Variants in GOLGA6L2 observed in about 807,000 individuals in gnomAD.
GOLGA6L2 encodes the protein golgin A6 family like 2, also known as golgin subfamily A member 6-like protein 2.
Under a neutral mutation model 35.9 loss-of-function variants are expected in GOLGA6L2, and 30 were observed. The observed-to-expected ratio is 0.83, with a 90% CI of 0.62 to 1.13. GOLGA6L2 has a LOEUF of 1.13. Among genes scored for constraint, GOLGA6L2 ranks in the 50% most tolerant of loss-of-function variants. GOLGA6L2 has a pLI of 0.00. For synonymous variants in GOLGA6L2, 297 were observed against 344.0 expected (o/e 0.86, Z 1.51); for missense variants, 821 against 973.4 (o/e 0.84, Z 2.08).
At position 23,440,457 on chromosome 15, in the gene GOLGA6L2, TCTC is replaced by T. The variant is rs2070652335; in HGVS notation, c.2015_2017del (p.Arg672_Glu673delinsLys). On this transcript the variant is annotated inframe_deletion, in exon 8 of 8. Coordinates refer to ENST00000567107, the MANE Select transcript of GOLGA6L2 (RefSeq NM_001304388.2). ...ATCTTCTCCTCCTGCTCCTGCATCT[TCTC>T]TTCCTGCTCCCACATCTTCTCCTCC... 1 of 863,018 alleles carries T rather than the reference TCTC, an allele frequency of 1.2e-6. No homozygotes were observed. The highest frequency in any genetic ancestry group is 1.7e-5 in the African/African-American group (1 of 58,380). 53.5% of individuals were successfully genotyped at this position (863,018 alleles called of 1,614,324 possible). A position where few individuals can be genotyped will look rare whatever the true frequency, so the allele number is the denominator to read the frequency against.
rs764848680 is a variant in GOLGA6L2 at position 23,441,235 on chromosome 15, G to A, written c.1240C>T (p.Arg414Trp). Residue 414 changes from arginine to tryptophan, a missense_variant, in exon 8 of 8, where the codon CGG (arginine) becomes TGG (tryptophan). Coordinates refer to ENST00000567107, the MANE Select transcript of GOLGA6L2 (RefSeq NM_001304388.2). Reference protein sequence around the residue: ...ERLREKEERMREQEKMWEQVE... With the variant: ...ERLREKEERMWEQEKMWEQVE... ...TGCTCCCACATCTTCTCCTGCTCCCGCATCCTCTCCTCCTTCTCCCGTAGC... is the reference window on the plus strand; with the variant it reads ...TGCTCCCACATCTTCTCCTGCTCCCACATCCTCTCCTCCTTCTCCCGTAGC... 2.7e-5 allele frequency: 41 copies of A among 1,530,124 alleles called. No individual in the cohort carries two copies. Among genetic ancestry groups the A allele is most frequent in the Admixed American group, 8.0e-5 (4 of 49,974 alleles). 94.8% of individuals were successfully genotyped at this position (1,530,124 alleles called of 1,614,324 possible).
At position 23,441,111 on chromosome 15, in the gene GOLGA6L2, C is replaced by T. The variant is rs753649587; in HGVS notation, c.1364G>A (p.Arg455Gln). Residue 455 changes from arginine to glutamine, a missense_variant, in exon 8 of 8, where the codon CGG becomes CAG. Arg to Gln is a conservative substitution (Grantham distance 43). Coordinates refer to ENST00000567107, the MANE Select transcript of GOLGA6L2 (RefSeq NM_001304388.2). The stretch of plus-strand genomic sequence containing the variant: ...CTCCTCTTCCCGCATCTTCTTCTCC[C>T]GCTCCCGTATCCTCTCCTCCTCTTG... The part of the protein sequence containing the change: ...KMQEEERIRE[R>Q]EKKMREEEET... 169 of 1,272,520 alleles carry T rather than the reference C, an allele frequency of 1.3e-4. No homozygotes were observed. The highest frequency in any genetic ancestry group is 3.2e-4 in the South Asian group (23 of 70,964). The allele number at this position is 1,272,520 out of a possible 1,614,324, so 78.8% of individuals were successfully genotyped here.
chr15:23,444,273 A>G, intron 3 of GOLGA6L2, 61 bp from the exon 4 acceptor site: 2 of 1,564,132 alleles, frequency 1.3e-6, no homozygotes, highest in Non-Finnish European at 1.7e-6. Context: ...AGCAAGAGAC[A>G]TGCCCCCAGA....
chr15:23,441,563 C>G lies in GOLGA6L2; in HGVS notation c.912G>C (p.Glu304Asp). Residue 304 changes from glutamate (E) to aspartate (D), a missense_variant, in exon 8 of 8, where the codon GAG (glutamate) becomes GAC (aspartate). Transcript: ENST00000567107. Reference protein sequence around the residue: ...KMWRQEERLREQEGKMREQEE... With the variant: ...KMWRQEERLRDQEGKMREQEE... ...CCTGCTCCCGCATCTTCCCCTCCTG[C>G]TCCCGCAGTCTCTCCTCCTGTCTCC... 6.8e-7 allele frequency: 1 copy of G among 1,481,256 alleles called. No individual in the cohort carries two copies. Among genetic ancestry groups the G allele is most frequent in the Non-Finnish European group, 9.1e-7 (1 of 1,099,688 alleles). The allele number at this position is 1,481,256 out of a possible 1,614,324, so 91.8% of individuals were successfully genotyped here. A position where few individuals can be genotyped will look rare whatever the true frequency, so the allele number is the denominator to read the frequency against.
intron 5 of GOLGA6L2, among the ~76,000 whole-genome samples, chr15:23,443,408 G>A (rs11635205): frequency 0.016 from 2,431 of 148,992 alleles, 28 homozygotes; most frequent in Middle Eastern, 0.028. Context: ...ACACGCACAT[G>A]CACACTTATG....
intron 5 of GOLGA6L2, 94 bp from the exon 6 acceptor site, chr15:23,442,602 C>T (rs893543515): frequency 4.6e-5 from 52 of 1,121,906 alleles, no homozygotes; most frequent in African/African-American, 2.5e-4. Flanking sequence ...CACAGTAACA[C>T]TCCCTCACTC....
Position 23,440,775 on chromosome 15 carries a change from C to CCCGCATCTTCTCCTCATGCTT in GOLGA6L2, c.1699_1700insAAGCATGAGGAGAAGATGCGG (p.Ala566_Gly567insGluAlaTer). The stretch of plus-strand genomic sequence containing the variant: ...TGGTCCCACATCTTCTGCTCCTGAT[C>CCCGCATCTTCTCCTCATGCTT]CCGCATCTTCTCCTCCTGCTCCCAC... On this transcript the variant is annotated stop_gained, in exon 8 of 8. Transcript: ENST00000567107. LOFTEE classifies it low-confidence loss of function (END_TRUNC). The CCCGCATCTTCTCCTCATGCTT allele has an allele frequency of 7.0e-7, 1 of 1,429,078 alleles. No homozygotes were observed. The highest frequency in any genetic ancestry group is 9.5e-7 in the Non-Finnish European group (1 of 1,048,736). The allele number at this position is 1,429,078 out of a possible 1,614,324, so 88.5% of individuals were successfully genotyped here. A position where few individuals can be genotyped will look rare whatever the true frequency, so the allele number is the denominator to read the frequency against.
intron 3 of GOLGA6L2, 25 bp from the exon 4 acceptor site, chr15:23,444,237 C>A: frequency 6.2e-7 from 1 of 1,602,206 alleles, no homozygotes. Context: ...AGACAGAGCT[C>A]TTACTAGGGG....
chr15:23,440,869 G>T lies in GOLGA6L2; in HGVS notation c.1606C>A (p.Gln536Lys). 8.2e-7 allele frequency: 1 copy of T among 1,223,726 alleles called. No homozygotes were observed. The highest frequency in any genetic ancestry group is 1.1e-6 in the Non-Finnish European group (1 of 931,622). 75.8% of individuals were successfully genotyped at this position (1,223,726 alleles called of 1,614,324 possible). ...TCTTCCTGCTCCCGCATCTTCTCCT[G>T]CCGCCACATCTTCTTCTCCTGCCCC... ...MWGQEKKMWR[Q>K]EKMREQEDVE... The change falls in exon 8 of 8, where the codon CAG becomes AAG. Residue 536 changes from glutamine (Q) to lysine (K), a missense_variant. Transcript: ENST00000567107.
chr15:23,444,248 G>C (rs763636293), intron 3 of GOLGA6L2, 36 bp from the exon 4 acceptor site: 4 of 1,595,964 alleles, frequency 2.5e-6, no homozygotes, highest in South Asian at 2.2e-5. Flanking sequence ...TTACTAGGGG[G>C]AGGCAGAGAT....
rs1886733723 is a variant in GOLGA6L2, at chr15:23,444,480, C to T, written c.234G>A (p.Gln78=). 1.2e-6 allele frequency: 2 copies of T among 1,600,036 alleles called. No individual in the cohort carries two copies. The highest frequency in any genetic ancestry group is 8.5e-7 in the Non-Finnish European group (1 of 1,179,808). The change falls in exon 3 of 8, where the codon CAG becomes CAA. Residue 78 remains glutamine (Q), a synonymous_variant. Transcript: ENST00000567107. ...AAACAAATCACGTTACTTCTTTCAG[C>T]TGCGCTCGGTTCTGTTGTGTCTGTG... The part of the protein sequence containing the change: ...SPEDTQQNRA[Q]LKEEKKASHQ...
In GOLGA6L2 at chr15:23,439,733, G is replaced by C. The variant is rs2070626126; in HGVS notation, c.*12C>G. The C allele has an allele frequency of 6.5e-7, 1 of 1,536,272 alleles. No homozygotes were observed. The highest frequency in any genetic ancestry group is 1.4e-5 in the African/African-American group (1 of 72,766). Reference sequence around the variant, plus strand: ...TCCTCCTGCAGGCTCCACACTGCCAGTGTGGCTCATATTACAAAGAACTTT... The same window carrying C: ...TCCTCCTGCAGGCTCCACACTGCCACTGTGGCTCATATTACAAAGAACTTT... On this transcript the variant is annotated 3_prime_UTR_variant, in exon 8 of 8. Coordinates refer to ENST00000567107, the MANE Select transcript of GOLGA6L2 (RefSeq NM_001304388.2).
Position 23,441,442 on chromosome 15 carries a change from C to A in GOLGA6L2, c.1033G>T (p.Glu345Ter). Residue 345 changes from glutamate to a stop codon, truncating the protein, a stop_gained, in exon 8 of 8, where the codon GAG becomes TAG. Coordinates refer to ENST00000567107, the MANE Select transcript of GOLGA6L2 (RefSeq NM_001304388.2). LOFTEE classifies it low-confidence loss of function (END_TRUNC). ...KELREQKKLR[E>*]QEEQMQEQEE... ...TGCTCCTGCATCTGCTCCTCCTGCT[C>A]CCGCAGCTTCTTCTGCTCCCGCAGC... 2 of 1,405,214 alleles carry A rather than the reference C, an allele frequency of 1.4e-6. No homozygotes were observed. The highest frequency in any genetic ancestry group is 1.9e-6 in the Non-Finnish European group (2 of 1,049,696). The allele number at this position is 1,405,214 out of a possible 1,614,324, so 87.0% of individuals were successfully genotyped here. A position where few individuals can be genotyped will look rare whatever the true frequency, so the allele number is the denominator to read the frequency against.
At position 23,441,670 on chromosome 15, in the gene GOLGA6L2, T is replaced by A. The variant is rs1162114264; in HGVS notation, c.805A>T (p.Thr269Ser). Reference sequence around the variant, plus strand: ...TGCCTCCACATCTCCTCCTGCAAAGTGTTGGTTTGAACCTCAAAAGGAAAT... The same window carrying A: ...TGCCTCCACATCTCCTCCTGCAAAGAGTTGGTTTGAACCTCAAAAGGAAAT... ...KFLLPQVQTN[T>S]LQEEMWRQEE... The change falls in exon 8 of 8, where the codon ACT (threonine) becomes TCT (serine). Residue 269 changes from threonine to serine, a missense_variant. Transcript: ENST00000567107. 1 of 1,516,246 alleles carries A rather than the reference T, an allele frequency of 6.6e-7. No homozygotes were observed. The highest frequency in any genetic ancestry group is 2.2e-5 in the Admixed American group (1 of 45,304). The allele number at this position is 1,516,246 out of a possible 1,614,324, so 93.9% of individuals were successfully genotyped here. A position where few individuals can be genotyped will look rare whatever the true frequency, so the allele number is the denominator to read the frequency against.
chr15:23,443,650 A>G (rs894689796), intron 5 of GOLGA6L2, 127 bp downstream of exon 5: 3 of 849,084 alleles, frequency 3.5e-6, no homozygotes, highest in Non-Finnish European at 5.7e-6. Context: ...CCACACACAA[A>G]AGCAGCAAGA....
chr15:23,439,658 A>C lies in GOLGA6L2; in HGVS notation c.*87T>G. 6.5e-7 allele frequency: 1 copy of C among 1,536,878 alleles called. No homozygotes were observed. The highest frequency in any genetic ancestry group is 8.7e-7 in the Non-Finnish European group (1 of 1,147,050). ...GTTCTTCATCCCACAAAACAGCTGC[A>C]TGATCTCCTGTGCAGTGGGGTTGTC... On this transcript the variant is annotated 3_prime_UTR_variant, in exon 8 of 8. Transcript: ENST00000567107.
intron 7 of GOLGA6L2, 90 bp downstream of exon 7, chr15:23,441,889 G>T: frequency 1.4e-6 from 2 of 1,465,188 alleles, no homozygotes; most frequent in Non-Finnish European, 1.8e-6. Context: ...TCCAGCTCTT[G>T]GCTGGACCCT....
Position 23,447,131 on chromosome 15 carries a change from G to T in GOLGA6L2, c.51C>A (p.Thr17=), listed in dbSNP as rs555911163. 9 of 1,596,468 alleles carry T rather than the reference G, an allele frequency of 5.6e-6. No individual in the cohort carries two copies. The Admixed American group carries it at 6.8e-5, about 12-fold the overall frequency. ...TGGCCTCAGCCAATTTGTTCTGTCT[G>T]GTTTTTTCTGACATCATGGGGTGGG... is the stretch of plus-strand genomic sequence containing the variant. ...LPPHPMMSEK[T]RQNKLAEAKK... is the part of the protein sequence containing the mutation. Residue 17 remains threonine, a synonymous_variant, in exon 1 of 8, where the codon ACC becomes ACA. Coordinates refer to ENST00000567107, the MANE Select transcript of GOLGA6L2 (RefSeq NM_001304388.2).
In GOLGA6L2 at chr15:23,444,143, C is replaced by G. The variant is rs1214483207; in HGVS notation, c.294+19G>C. 1 of 1,602,892 alleles carries G rather than the reference C, an allele frequency of 6.2e-7. No homozygotes were observed. Among genetic ancestry groups the G allele is most frequent in the Non-Finnish European group, 8.5e-7 (1 of 1,178,624 alleles). On this transcript the variant is annotated intron_variant, in intron 4 of 7. Transcript: ENST00000567107. Reference sequence around the variant, plus strand: ...ACCTTCTCCAGAGGACAGGAGGGAACTTCACACCCTCCACTCACCTCTATC... The same window carrying G: ...ACCTTCTCCAGAGGACAGGAGGGAAGTTCACACCCTCCACTCACCTCTATC...
Sources: gnomAD v4.1 joint callset for allele counts (sites outside exome capture counted in the v4.1 genomes callset) on GRCh38, gnomAD v4.1.1 for gene constraint, MANE v1.5 for transcripts, NCBI Gene and HGNC (gene_info 2026-07-23, HGNC 2026-07-21) for gene names.